PRKCZ: variants seen among roughly 807,000 people sequenced by gnomAD.
PRKCZ encodes protein kinase C zeta, also known as protein kinase C zeta type.
PRKCZ carries 33 observed loss-of-function variants against 79.5 expected under a neutral mutation model. The ratio of observed to expected loss-of-function variants is 0.41; its 90% CI spans 0.31 to 0.55. The LOEUF is 0.55. PRKCZ is among the 20% of genes least tolerant of loss of function. PRKCZ has a pLI of 0.19. For synonymous variants in PRKCZ, 342 were observed against 320.9 expected (o/e 1.07, Z -0.70); for missense variants, 578 against 813.5 (o/e 0.71, Z 3.52).
At chr1:2,139,829 G>A (rs930194747) in intron 5 of PRKCZ, among the ~76,000 whole-genome samples, 12 of 152,204 alleles carry the variant, frequency 7.9e-5, no homozygotes, top group Admixed American at 2.0e-4. Context: ...AGTGGGAATC[G>A]TGTCTGGAGT....
intron 5 of PRKCZ, among the ~76,000 whole-genome samples, chr1:2,137,872 A>G (rs1469597216): frequency 1.3e-5 from 2 of 152,202 alleles, no homozygotes; most frequent in South Asian, 2.1e-4. Context: ...CTGTGGAGGT[A>G]CAGCCCTTCT....
intron 16 of PRKCZ, among the ~76,000 whole-genome samples, chr1:2,176,898 G>C (rs1415274047): frequency 6.6e-6 from 1 of 152,222 alleles, no homozygotes; most frequent in East Asian, 1.9e-4. Context: ...GCCAAACTAG[G>C]ACGGGGCCAT....
At position 2,177,116 on chromosome 1, in the gene PRKCZ, C is replaced by T. The variant is rs564340104; in HGVS notation, c.1575+1803C>T. ...CGTCCCTTTTCTCTGGCTCAGGCAC[C>T]CCTGGCCTAGTGGGGTTACTGGTGG... is the stretch of plus-strand genomic sequence containing the variant. On this transcript the variant is annotated intron_variant, in intron 16 of 17. Transcript: ENST00000378567. The surrounding 1 kb of genome is among the most constrained non-coding windows in gnomAD (Gnocchi z 6.4). 1.4e-4 allele frequency among the ~76,000 whole-genome samples: 21 copies of T among 152,270 alleles called. No individual in the cohort carries two copies. Among genetic ancestry groups the T allele is most frequent in the African/African-American group, 5.1e-4 (21 of 41,554 alleles).
chr1:2,060,150 G>A (rs970820011), intron 4 of PRKCZ, among the ~76,000 whole-genome samples: 3 of 152,262 alleles, frequency 2.0e-5, no homozygotes, highest in East Asian at 1.9e-4. Flanking sequence ...GCTGTGCTTG[G>A]TGGGGTTCCA....
intron 4 of PRKCZ, among the ~76,000 whole-genome samples, chr1:2,133,440 G>C (rs1204186523): frequency 1.4e-5 from 2 of 146,054 alleles, no homozygotes; most frequent in Non-Finnish European, 3.0e-5. Flanking sequence ...TCCCCAAGCT[G>C]TGCGTCCTTC....
chr1:2,081,410 AG>A (rs1663489442), intron 4 of PRKCZ, among the ~76,000 whole-genome samples: 1 of 152,060 alleles, frequency 6.6e-6, no homozygotes, highest in African/African-American at 2.4e-5. Flanking sequence ...TGCAGGGAGC[AG>A]GGGGAAGCAG....
intron 4 of PRKCZ, among the ~76,000 whole-genome samples, chr1:2,080,516 T>C (rs1279739726): frequency 6.6e-6 from 1 of 152,092 alleles, no homozygotes. Context: ...ACCCAGGTAG[T>C]TTAGTTCTGT....
intron 4 of PRKCZ, among the ~76,000 whole-genome samples, chr1:2,110,409 C>T (rs1380127415): frequency 6.6e-6 from 1 of 152,248 alleles, no homozygotes; most frequent in Admixed American, 6.5e-5. Context: ...CATCCCCGGT[C>T]AGGGGGCTCC....
chr1:2,109,098 A>T (rs1470274055), intron 4 of PRKCZ, among the ~76,000 whole-genome samples: 1 of 152,074 alleles, frequency 6.6e-6, no homozygotes, highest in African/African-American at 2.4e-5. Flanking sequence ...ATCCAGGAAC[A>T]TCTCCCCATC....
intron 16 of PRKCZ, among the ~76,000 whole-genome samples, chr1:2,181,148 GGTC>G (rs763132390): frequency 3.7e-4 from 55 of 150,488 alleles, no homozygotes; most frequent in South Asian, 1.5e-3. Context: ...CGGACAGCAG[GGTC>G]GTCCTGTGTC....
In PRKCZ at chr1:2,103,436, C is replaced by G. The variant is rs111393765; in HGVS notation, c.335-31826C>G. ...ATGGTTCATCAGCAGCTGGCACGTC[C>G]AGTGGCGCGTGTGCCTCGGGAAGGC... On this transcript the variant is annotated intron_variant, in intron 4 of 17. Transcript: ENST00000378567. Among the ~76,000 whole-genome samples the G allele has an allele frequency of 4.1e-3, 628 of 151,708 alleles. 7 individuals carry two copies. The highest frequency in any genetic ancestry group is 0.015 in the African/African-American group (614 of 40,964).
intron 4 of PRKCZ, among the ~76,000 whole-genome samples, chr1:2,119,691 C>T (rs752971593): frequency 7.0e-4 from 106 of 152,270 alleles, no homozygotes; most frequent in African/African-American, 2.4e-3. Flanking sequence ...TGCAGGACGG[C>T]GCTTACATGG....
intron 4 of PRKCZ, among the ~76,000 whole-genome samples, chr1:2,107,413 CTCCCGTGCCCGTT>C (rs1162010406): frequency 6.6e-6 from 1 of 152,272 alleles, no homozygotes; most frequent in African/African-American, 2.4e-5. Context: ...GCCGCACACA[CTCCCGTGCCCGTT>C]GGGCTGGGCT....
Position 2,067,429 on chromosome 1 carries a change from G to A in PRKCZ, c.334+7838G>A, listed in dbSNP as rs528203014. On this transcript the variant is annotated intron_variant, in intron 4 of 17. Transcript: ENST00000378567. ...GACACTGGTGGGGGCTGGGTCGTTC[G>A]GGGCTGAGCGTGTGATGAGATCAGG... 7.2e-5 allele frequency among the ~76,000 whole-genome samples: 11 copies of A among 152,320 alleles called. No homozygotes were observed. The South Asian group carries it at 1.9e-3, about 26-fold the overall frequency.
At position 2,127,930 on chromosome 1, in the gene PRKCZ, C is replaced by T. The variant is rs140686073; in HGVS notation, c.335-7332C>T. Among the ~76,000 whole-genome samples, 49 of 152,376 alleles carry T rather than the reference C, an allele frequency of 3.2e-4. No individual in the cohort carries two copies. The highest frequency in any genetic ancestry group is 1.1e-3 in the African/African-American group (47 of 41,588). On this transcript the variant is annotated intron_variant, in intron 4 of 17. Coordinates refer to ENST00000378567, the MANE Select transcript of PRKCZ (RefSeq NM_002744.6). The surrounding 1 kb of genome is among the most constrained non-coding windows in gnomAD (Gnocchi z 5.1). ...TCTGGACACGAATTTGCGGTCATTG[C>T]TGTTCTTGTGTCTCTATTTGCCTAG...
At chr1:2,161,212 C>G (rs1223593589) in intron 10 of PRKCZ, among the ~76,000 whole-genome samples, 1 of 152,234 alleles carries the variant, frequency 6.6e-6, no homozygotes. Context: ...TCAGCGGCCC[C>G]CTGATTTGCT....
At chr1:2,175,340 C>A in intron 16 of PRKCZ, 27 bp downstream of exon 16, 3 of 1,580,816 alleles carry the variant, frequency 1.9e-6, no homozygotes, top group Non-Finnish European at 2.6e-6. Context: ...CCTATTTGCA[C>A]CCCCATCCCC....
chr1:2,066,721 G>A (rs573766893), intron 4 of PRKCZ, among the ~76,000 whole-genome samples: 26 of 152,202 alleles, frequency 1.7e-4, no homozygotes, highest in South Asian at 8.3e-4. Context: ...TGTAAAATTC[G>A]GTTGTTAATT....
At chr1:2,069,186 C>T (rs1474757659) in intron 4 of PRKCZ, among the ~76,000 whole-genome samples, 1 of 152,208 alleles carries the variant, frequency 6.6e-6, no homozygotes, top group Non-Finnish European at 1.5e-5. Context: ...AGAGCCCTCC[C>T]CTGCATCCGT....
Sources: allele counts gnomAD v4.1 joint callset (sites outside exome capture counted in the v4.1 genomes callset), GRCh38; gene constraint gnomAD v4.1.1; non-coding constraint Gnocchi (gnomAD v3.1); transcripts MANE v1.5; gene names NCBI Gene and HGNC (gene_info 2026-07-23, HGNC 2026-07-21).